NCOA6: variants seen among roughly 807,000 people sequenced by gnomAD.
NCOA6 encodes NRC RAP250.
In NCOA6, 49 loss-of-function variants were observed where a neutral mutation model predicts 171.4. That is an observed-to-expected ratio of 0.29 (90% CI 0.23 to 0.36). NCOA6 has a LOEUF of 0.36. Ranked by LOEUF, NCOA6 falls within the 10% of genes least tolerant of loss-of-function variation. NCOA6 has a pLI of 1.00. For missense variants in NCOA6, 2,248 were observed against 2,554.5 expected, an observed-to-expected ratio of 0.88 and a Z score of 2.59; for synonymous variants, 910 against 927.5, an observed-to-expected ratio of 0.98 and a Z score of 0.34.
chr20:34,760,353 T>A (rs1351384645), intron 5 of NCOA6, among the ~76,000 whole-genome samples: 1 of 152,240 alleles, frequency 6.6e-6, no homozygotes, highest in Non-Finnish European at 1.5e-5. Flanking sequence ...TCATGGAGCA[T>A]CTTGCAGGAC....
At position 34,742,927 on chromosome 20, in the gene NCOA6, C is replaced by A; in HGVS notation, c.3329G>T (p.Arg1110Met). The A allele has an allele frequency of 6.2e-7, 1 of 1,614,180 alleles. No individual in the cohort carries two copies. The highest frequency in any genetic ancestry group is 8.5e-7 in the Non-Finnish European group (1 of 1,180,022). Residue 1110 changes from arginine to methionine, a missense_variant, in exon 11 of 15, where the codon AGG becomes ATG. Arg to Met is a moderately conservative substitution (Grantham distance 91, BLOSUM62 -1). This residue lies in a region of NCOA6 where 352 missense variants were observed against 419.1 expected (regional missense o/e 0.84). Transcript: ENST00000359003. ...PVNTPLGSNS[R>M]KMVYQESPQN... is the part of the protein sequence containing the mutation. ...CGGGCTCTCCTGATAGACCATTTTC[C>A]TTGAATTGCTTCCCAAGGGAGTATT...
rs528280509 is a variant in NCOA6, at chr20:34,792,594, AAGAG to A, written c.-163-35_-163-32del. 20 of 397,822 alleles carry A rather than the reference AAGAG, an allele frequency of 5.0e-5. 1 individual carries two copies. Among genetic ancestry groups the A allele is most frequent in the East Asian group, 4.3e-4 (12 of 27,988 alleles). 24.6% of individuals were successfully genotyped at this position (397,822 alleles called of 1,614,324 possible). A position where few individuals can be genotyped will look rare whatever the true frequency, so the allele number is the denominator to read the frequency against. On this transcript the variant is annotated intron_variant, in intron 1 of 14. Coordinates refer to ENST00000359003, the MANE Select transcript of NCOA6 (RefSeq NM_014071.5). ...AACAAACAACAACAACAACAACAAA[AAGAG>A]AGAGAGAGATAAAATAAAACCACAG...
chr20:34,727,146 T>C (rs1378428108), intron 14 of NCOA6, 113 bp downstream of exon 14: 5 of 1,290,136 alleles, frequency 3.9e-6, no homozygotes, highest in African/African-American at 1.5e-5. Context: ...ACAAAGACAC[T>C]TGACAGACTT....
chr20:34,778,562 G>C (rs1432039858), intron 3 of NCOA6, among the ~76,000 whole-genome samples: 1 of 151,460 alleles, frequency 6.6e-6, no homozygotes, highest in Non-Finnish European at 1.5e-5. Flanking sequence ...CGAGTAGCTG[G>C]GACTATAGAC....
rs758588427 is a variant in NCOA6 at position 34,764,973 on chromosome 20, T to C, written c.514+3491A>G. Among the ~76,000 whole-genome samples the C allele has an allele frequency of 2.7e-4, 41 of 151,732 alleles. 1 individual carries two copies. Among genetic ancestry groups the C allele is most frequent in the Non-Finnish European group, 7.4e-5 (5 of 67,942 alleles). ...TACTAAAAATACAAAAATTAGCCAA[T>C]TAGCTGGGCATAGTGGCACCTGCCT... On this transcript the variant is annotated intron_variant, in intron 5 of 14. Coordinates refer to ENST00000359003, the MANE Select transcript of NCOA6 (RefSeq NM_014071.5).
At position 34,750,225 on chromosome 20, in the gene NCOA6, G is replaced by A; in HGVS notation, c.1970C>T (p.Pro657Leu). Reference protein sequence around the residue: ...PMILSRAQLMPQGQMMVNPPS... With the variant: ...PMILSRAQLMLQGQMMVNPPS... ...GGGGTTCACCATCATCTGGCCCTGTGGCATAAGCTGGGCCCTTGAAAGGAT... is the reference window on the plus strand; with the variant it reads ...GGGGTTCACCATCATCTGGCCCTGTAGCATAAGCTGGGCCCTTGAAAGGAT... Residue 657 changes from proline (P) to leucine (L), a missense_variant, in exon 9 of 15, where the codon CCA becomes CTA. By Grantham distance (98) the Pro-to-Leu change is moderately conservative (BLOSUM62 -3). This residue lies in a region of NCOA6 where 987 missense variants were observed against 1,104.7 expected (regional missense o/e 0.89). Transcript: ENST00000359003. 1 of 1,610,720 alleles carries A rather than the reference G, an allele frequency of 6.2e-7. No homozygotes were observed. The highest frequency in any genetic ancestry group is 1.7e-5 in the Admixed American group (1 of 59,724).
intron 4 of NCOA6, among the ~76,000 whole-genome samples, chr20:34,774,606 T>C (rs761583463): frequency 1.1e-4 from 16 of 152,216 alleles, no homozygotes; most frequent in Non-Finnish European, 2.2e-4. Context: ...AATTAGGTTC[T>C]ACGTAAGCAC....
At position 34,792,472 on chromosome 20, in the gene NCOA6, A is replaced by G; in HGVS notation, c.-72T>C. 2.5e-6 allele frequency: 1 copy of G among 398,068 alleles called. No individual in the cohort carries two copies. The highest frequency in any genetic ancestry group is 4.4e-6 in the Non-Finnish European group (1 of 225,770). 24.7% of individuals were successfully genotyped at this position (398,068 alleles called of 1,614,324 possible). On this transcript the variant is annotated 5_prime_UTR_variant, in exon 2 of 15. Transcript: ENST00000359003. ...CACCAAAATCTCTTTCTTAATTTTT[A>G]TCATTTATCCAGGTCATCTTCTAAG...
At chr20:34,759,025 A>AT in intron 5 of NCOA6, 92 bp from the exon 6 acceptor site, 25 of 1,388,524 alleles carry the variant, frequency 1.8e-5, no homozygotes, top group South Asian at 3.8e-5. Flanking sequence ...GATATGGAAA[A>AT]TTTGTTTTTT....
intron 14 of NCOA6, among the ~76,000 whole-genome samples, chr20:34,722,173 G>A (rs1186864141): frequency 2.0e-5 from 3 of 151,624 alleles, no homozygotes; most frequent in Non-Finnish European, 4.4e-5. Context: ...TTGAGGTTAG[G>A]AGTTCGAGAC....
chr20:34,739,745 T>A (rs1023321022), intron 11 of NCOA6, among the ~76,000 whole-genome samples: 1 of 152,216 alleles, frequency 6.6e-6, no homozygotes, highest in Admixed American at 6.5e-5. Flanking sequence ...ATATCTGACA[T>A]AGTTGGTATA....
rs2076200629 is a variant in NCOA6 at position 34,743,146 on chromosome 20, A to G, written c.3110T>C (p.Leu1037Pro). ...QQQQQQMMMMLMMQQDPKSVR... is the reference protein window; with the variant it reads ...QQQQQQMMMMPMMQQDPKSVR... ...TGATTTGGGATCCTGCTGCATCATG[A>G]GCATCATCATCATTTGTTGCTGCTG... Residue 1037 changes from leucine to proline, a missense_variant, in exon 11 of 15, where the codon CTC becomes CCC. By Grantham distance (98) the Leu-to-Pro change is moderately conservative. Transcript: ENST00000359003. 3.7e-6 allele frequency: 6 copies of G among 1,614,060 alleles called. No individual in the cohort carries two copies. The highest frequency in any genetic ancestry group is 2.5e-6 in the Non-Finnish European group (3 of 1,179,992).
intron 1 of NCOA6, chr20:34,809,631 T>G: frequency 6.5e-5 from 24 of 367,000 alleles, no homozygotes; most frequent in East Asian, 1.2e-4. Flanking sequence ...ATTGGCCAAA[T>G]TCCTTCTCTC....
chr20:34,820,004 A>G (rs1452468876), intron 1 of NCOA6: 1 of 152,150 alleles, frequency 6.6e-6, no homozygotes, highest in African/African-American at 2.4e-5. Context: ...AGGGAAAAAA[A>G]ATGAAACTGG....
At position 34,749,283 on chromosome 20, in the gene NCOA6, T is replaced by C. The variant is rs1050464415; in HGVS notation, c.2792+120A>G. On this transcript the variant is annotated intron_variant, in intron 9 of 14. Transcript: ENST00000359003. ...AGACAGACTATGAGTTGATAATTAT[T>C]GAAGCAGGGGGATTTCATTATACTA... is the stretch of plus-strand genomic sequence containing the variant. 6.6e-6 allele frequency: 8 copies of C among 1,212,422 alleles called. No individual in the cohort carries two copies. The African/African-American group carries it at 1.1e-4, about 16-fold the overall frequency. 75.1% of individuals were successfully genotyped at this position (1,212,422 alleles called of 1,614,324 possible). A position where few individuals can be genotyped will look rare whatever the true frequency, so the allele number is the denominator to read the frequency against.
chr20:34,721,524 A>G (rs1017515604), intron 14 of NCOA6, among the ~76,000 whole-genome samples: 1 of 152,164 alleles, frequency 6.6e-6, no homozygotes, highest in Non-Finnish European at 1.5e-5. Flanking sequence ...GTTCCACCTC[A>G]GATTATCAGG....
intron 7 of NCOA6, among the ~76,000 whole-genome samples, chr20:34,756,501 G>A (rs746367277): frequency 5.9e-5 from 9 of 152,294 alleles, no homozygotes; most frequent in Admixed American, 3.3e-4. Flanking sequence ...GCACATTCAT[G>A]TGCACTAGAT....
chr20:34,810,980 G>A (rs1335029039), intron 1 of NCOA6, among the ~76,000 whole-genome samples: 2 of 151,622 alleles, frequency 1.3e-5, no homozygotes, highest in African/African-American at 4.8e-5. Flanking sequence ...AAAATATAGG[G>A]TGATAGAACG....
In NCOA6 at chr20:34,727,151, A is replaced by G. The variant is rs1220580076; in HGVS notation, c.6148+108T>C. Reference sequence around the variant, plus strand: ...GTAGTAGAAGACAAAGACACTTGACAGACTTCAGGAACAGAAGCAATGATG... The same window carrying G: ...GTAGTAGAAGACAAAGACACTTGACGGACTTCAGGAACAGAAGCAATGATG... On this transcript the variant is annotated intron_variant, in intron 14 of 14. Transcript: ENST00000359003. The G allele has an allele frequency of 3.8e-6, 5 of 1,318,366 alleles. No homozygotes were observed. In the East Asian group the frequency reaches 1.2e-4, roughly 31 times the overall value. 81.7% of individuals were successfully genotyped at this position (1,318,366 alleles called of 1,614,324 possible). A position where few individuals can be genotyped will look rare whatever the true frequency, so the allele number is the denominator to read the frequency against.
Sources: gnomAD v4.1 joint callset for allele counts (sites outside exome capture counted in the v4.1 genomes callset) on GRCh38, gnomAD v4.1.1 for gene constraint, gnomAD v4.1.1 regional missense constraint, MANE v1.5 for transcripts, NCBI Gene and HGNC (gene_info 2026-07-23, HGNC 2026-07-21) for gene names.